Variants in RUVBL1 observed in about 807,000 individuals in gnomAD.
The protein encoded by RUVBL1 is RuvB like AAA ATPase 1, also known as ruvB-like 1.
In RUVBL1, 4 loss-of-function variants were observed where a neutral mutation model predicts 52.4. That is an observed-to-expected ratio of 0.08 (90% CI 0.04 to 0.17). RUVBL1 has a LOEUF of 0.17. RUVBL1 is among the 10% of genes least tolerant of loss of function. The pLI is 1.00. For missense variants in RUVBL1, 298 were observed against 572.8 expected (o/e 0.52, Z 4.90); for synonymous variants, 217 against 214.4 (o/e 1.01, Z -0.10).
downstream of RUVBL1, among the ~76,000 whole-genome samples, chr3:128,077,469 C>G (rs576716992): frequency 1.3e-5 from 2 of 152,364 alleles, no homozygotes; most frequent in East Asian, 3.9e-4. Context: ...GGGGTGAACA[C>G]TGTTCTACCT....
Position 128,067,938 on chromosome 3 carries a change from C to G in RUVBL1, c.940-2718G>C. ...AGTACCACTTGGAATGCCTATTTCC[C>G]CTTCAGCCTCCAATTCCAACTTCTC... On this transcript the variant is annotated intron_variant, in intron 9 of 9. Transcript: ENST00000464873. The surrounding 1 kb of genome is among the most constrained non-coding windows in gnomAD (Gnocchi z 4.1). 6.6e-7 allele frequency: 1 copy of G among 1,505,294 alleles called. No individual in the cohort carries two copies. Among genetic ancestry groups the G allele is most frequent in the Non-Finnish European group, 9.2e-7 (1 of 1,081,238 alleles). The allele number at this position is 1,505,294 out of a possible 1,614,324, so 93.2% of individuals were successfully genotyped here.
chr3:128,143,248 C>T (rs1202697894), intron 1 of RUVBL1, among the ~76,000 whole-genome samples: 1 of 151,622 alleles, frequency 6.6e-6, no homozygotes, highest in Non-Finnish European at 1.5e-5. Flanking sequence ...TCTTGGCTCA[C>T]CACAACCTCC....
exon 1 of RUVBL1, chr3:128,153,642 C>A: frequency 1.3e-6 from 2 of 1,598,354 alleles, no homozygotes; most frequent in Non-Finnish European, 1.7e-6. Flanking sequence ...GCCGCGAGCG[C>A]GGCATCACGC....
intron 1 of RUVBL1, 38 bp downstream of exon 1, chr3:128,123,546 T>TTGCAGCCCC (rs1474693560): frequency 6.5e-7 from 1 of 1,531,314 alleles, no homozygotes; most frequent in Non-Finnish European, 8.9e-7. Flanking sequence ...GCAGCAGCCC[T>TTGCAGCCCC]GCTTGCAGCC....
chr3:128,086,615 G>A (rs1942652737), intron 9 of RUVBL1, among the ~76,000 whole-genome samples: 1 of 152,254 alleles, frequency 6.6e-6, no homozygotes, highest in Non-Finnish European at 1.5e-5. Flanking sequence ...ATGTACCACT[G>A]AAGATGGCCT....
Position 128,104,833 on chromosome 3 carries a change from G to A in RUVBL1, c.453C>T (p.Gly151=). The A allele has an allele frequency of 6.2e-7, 1 of 1,613,652 alleles. No individual in the cohort carries two copies. The highest frequency in any genetic ancestry group is 8.5e-7 in the Non-Finnish European group (1 of 1,179,614). ...CTATGATCACATGGCTAATGGTTTT[G>A]CCATATCCTCCCATGGGATTCTCTG... ...CETENPMGGY[G]KTISHVIIGL... The change falls in exon 4 of 11, where the codon GGC becomes GGT. Residue 151 remains glycine, a synonymous_variant. Transcript: ENST00000322623.
chr3:128,085,545 G>A (rs796100125), intron 9 of RUVBL1, among the ~76,000 whole-genome samples: 7 of 152,336 alleles, frequency 4.6e-5, no homozygotes, highest in African/African-American at 1.4e-4. Context: ...CTTACGTGGC[G>A]ATGAGGCCCC....
In RUVBL1 at chr3:128,067,883, A is replaced by G. The variant is rs1037093770; in HGVS notation, c.940-2663T>C. 1.1e-6 allele frequency: 1 copy of G among 910,334 alleles called. No individual in the cohort carries two copies. Among genetic ancestry groups the G allele is most frequent in the African/African-American group, 1.7e-5 (1 of 60,480 alleles). 56.4% of individuals were successfully genotyped at this position (910,334 alleles called of 1,614,324 possible). A position where few individuals can be genotyped will look rare whatever the true frequency, so the allele number is the denominator to read the frequency against. On this transcript the variant is annotated intron_variant, in intron 9 of 9. Coordinates refer to the RUVBL1 transcript ENST00000464873. The surrounding 1 kb of genome is among the most constrained non-coding windows in gnomAD (Gnocchi z 4.1). ...TAAAGTTCTCTGTATGAATATTGTC[A>G]GTGCTCGAAGAGGCGATCTGTAACT...
At chr3:128,121,010 G>A (rs1943634022) in intron 1 of RUVBL1, among the ~76,000 whole-genome samples, 2 of 151,856 alleles carry the variant, frequency 1.3e-5, no homozygotes, top group Admixed American at 1.3e-4. Flanking sequence ...TAAGCAATGT[G>A]TGTGGGTATG....
chr3:128,098,391 G>A (rs969140605), intron 7 of RUVBL1, among the ~76,000 whole-genome samples: 2 of 152,326 alleles, frequency 1.3e-5, no homozygotes, highest in South Asian at 2.1e-4. Flanking sequence ...TTAAGGTGAC[G>A]AAACTGTAGG....
intron 7 of RUVBL1, 89 bp downstream of exon 7, chr3:128,098,793 G>A (rs1397813979): frequency 1.9e-6 from 2 of 1,077,644 alleles, no homozygotes; most frequent in African/African-American, 1.5e-5. Context: ...TTTCCTCAGG[G>A]CGACTGTGCT....
chr3:128,079,410 G>A (rs1377187914), downstream of RUVBL1, among the ~76,000 whole-genome samples: 3 of 152,216 alleles, frequency 2.0e-5, no homozygotes, highest in African/African-American at 7.2e-5. Flanking sequence ...CCTCCTCTGT[G>A]GAAGTGGTCT....
At chr3:128,087,310 C>A (rs985725011) in intron 9 of RUVBL1, among the ~76,000 whole-genome samples, 1 of 152,242 alleles carries the variant, frequency 6.6e-6, no homozygotes, top group Non-Finnish European at 1.5e-5. Flanking sequence ...AGGCCACAGG[C>A]ATATTCTGGC....
chr3:128,143,411 T>A (rs1576490459), intron 1 of RUVBL1, among the ~76,000 whole-genome samples: 1 of 152,120 alleles, frequency 6.6e-6, no homozygotes, highest in Non-Finnish European at 1.5e-5. Flanking sequence ...GACCTTGTGA[T>A]TCGCCCTTCT....
intron 3 of RUVBL1, among the ~76,000 whole-genome samples, chr3:128,107,645 G>A (rs1312121956): frequency 6.6e-6 from 1 of 152,170 alleles, no homozygotes; most frequent in Non-Finnish European, 1.5e-5. Context: ...CTATCTGATA[G>A]CCTATAAATG....
intron 1 of RUVBL1, among the ~76,000 whole-genome samples, chr3:128,150,699 T>G (rs537871583): frequency 1.0e-4 from 13 of 128,028 alleles, no homozygotes; most frequent in African/African-American, 3.8e-4. Context: ...ATATTATATA[T>G]TCTATATATA....
downstream of RUVBL1, among the ~76,000 whole-genome samples, chr3:128,080,516 A>G (rs1942440202): frequency 6.6e-6 from 1 of 152,202 alleles, no homozygotes; most frequent in Admixed American, 6.5e-5. Flanking sequence ...CTAGCATGTG[A>G]TGAGAACCAC....
downstream of RUVBL1, among the ~76,000 whole-genome samples, chr3:128,077,719 T>C (rs1327425726): frequency 6.6e-6 from 1 of 152,240 alleles, no homozygotes; most frequent in Non-Finnish European, 1.5e-5. Context: ...CTGGCCCCTC[T>C]GGGCTACAGG....
intron 2 of RUVBL1, among the ~76,000 whole-genome samples, chr3:128,114,912 A>C (rs756661305): frequency 6.6e-6 from 1 of 152,142 alleles, no homozygotes; most frequent in Non-Finnish European, 1.5e-5. Flanking sequence ...AACTTCAAAG[A>C]CAGTGACCAC....
Sources: gnomAD v4.1 joint callset for allele counts (sites outside exome capture counted in the v4.1 genomes callset) on GRCh38, gnomAD v4.1.1 for gene constraint, Gnocchi (gnomAD v3.1) non-coding constraint, MANE v1.5 for transcripts, NCBI Gene and HGNC (gene_info 2026-07-23, HGNC 2026-07-21) for gene names.